Variants in GPC3 observed in about 807,000 individuals in gnomAD.
The protein encoded by GPC3 is glypican-3.
Under a neutral mutation model 34.4 loss-of-function variants are expected in GPC3, and 3 were observed. The observed-to-expected ratio is 0.09, with a 90% CI of 0.04 to 0.23. The LOEUF is 0.23. Ranked by LOEUF, GPC3 falls within the 10% of genes least tolerant of loss-of-function variation. GPC3 has a pLI of 1.00. For synonymous variants in GPC3, 177 were observed against 174.0 expected (o/e 1.02, Z -0.13); for missense variants, 351 against 445.6 (o/e 0.79, Z 1.91).
At chrX:133,560,465 A>G in intron 7 of GPC3, among the ~76,000 whole-genome samples, 1 of 112,752 alleles carries the variant, frequency 8.9e-6, no homozygotes, top group Non-Finnish European at 1.9e-5. Flanking sequence ...TTGGCCGGGC[A>G]TGGTGGCTCA....
At chrX:133,899,960 G>A (rs970657189) in intron 2 of GPC3, among the ~76,000 whole-genome samples, 4 of 110,737 alleles carry the variant, frequency 3.6e-5, no homozygotes, top group Non-Finnish European at 5.7e-5. Flanking sequence ...CCGCCACCAC[G>A]CCTGGCTAAT....
chrX:133,627,705 T>TA, intron 6 of GPC3, among the ~76,000 whole-genome samples: 1 of 112,631 alleles, frequency 8.9e-6, no homozygotes, highest in African/African-American at 3.2e-5. Context: ...GCAGGTATCT[T>TA]AGGACAGCAT....
intron 2 of GPC3, among the ~76,000 whole-genome samples, chrX:133,878,708 C>T (rs1486905650): frequency 8.9e-6 from 1 of 111,737 alleles, no homozygotes; most frequent in Non-Finnish European, 1.9e-5. Flanking sequence ...TGCACCACAT[C>T]TTGGTTTTAA....
chrX:133,709,036 C>G (rs1317780103), intron 3 of GPC3, among the ~76,000 whole-genome samples: 1 of 111,817 alleles, frequency 8.9e-6, no homozygotes, highest in Non-Finnish European at 1.9e-5. Context: ...TTTCTTTAAA[C>G]TTAATTGGCC....
intron 3 of GPC3, chrX:133,704,219 C>T: frequency 9.1e-7 from 1 of 1,102,989 alleles, no homozygotes; most frequent in Non-Finnish European, 1.2e-6. Context: ...AAGTCTAGCC[C>T]TATACACAGG....
intron 6 of GPC3, among the ~76,000 whole-genome samples, chrX:133,632,665 T>G (rs2070379264): frequency 1.8e-5 from 2 of 111,826 alleles, no homozygotes; most frequent in African/African-American, 6.5e-5. Context: ...TTCTTACTGT[T>G]TTTGTGCCCA....
chrX:133,626,935 A>G (rs1436372577), intron 6 of GPC3, among the ~76,000 whole-genome samples: 1 of 108,517 alleles, frequency 9.2e-6, no homozygotes, highest in African/African-American at 3.4e-5. Context: ...ACAATGATAG[A>G]CTGGATTAAG....
At chrX:133,637,762 C>T in intron 6 of GPC3, among the ~76,000 whole-genome samples, 1 of 111,067 alleles carries the variant, frequency 9.0e-6, no homozygotes, top group Non-Finnish European at 1.9e-5. Context: ...CCCACTTCAG[C>T]CTCTCGAGTA....
At chrX:133,778,932 A>T (rs1007825584) in intron 2 of GPC3, among the ~76,000 whole-genome samples, 3 of 112,345 alleles carry the variant, frequency 2.7e-5, no homozygotes, top group Non-Finnish European at 5.6e-5. Context: ...CCCTCTAAAA[A>T]TATGGTCTGC....
At chrX:133,564,354 C>T (rs1246257291) in intron 7 of GPC3, among the ~76,000 whole-genome samples, 4 of 111,350 alleles carry the variant, frequency 3.6e-5, no homozygotes, top group African/African-American at 1.3e-4. Flanking sequence ...GTGTCAGTAC[C>T]CAGTCCTCCC....
At chrX:133,622,738 ACT>A (rs1024632020) in intron 6 of GPC3, among the ~76,000 whole-genome samples, 5 of 112,027 alleles carry the variant, frequency 4.5e-5, no homozygotes, top group African/African-American at 9.7e-5. Flanking sequence ...GTTGGAAAAC[ACT>A]CTGCAGGATA....
At chrX:133,894,877 A>G (rs1323431925) in intron 2 of GPC3, among the ~76,000 whole-genome samples, 2 of 111,655 alleles carry the variant, frequency 1.8e-5, no homozygotes, top group African/African-American at 6.5e-5. Flanking sequence ...AAAAAGTGAG[A>G]CACTGTAGTT....
chrX:133,541,216 T>C (rs1047180415), intron 7 of GPC3, among the ~76,000 whole-genome samples: 2 of 223 alleles, frequency 9.0e-3, no homozygotes, highest in Non-Finnish European at 0.024. Context: ...GTGGGAATAG[T>C]ATCTGGGGAA....
At chrX:133,806,808 C>T (rs1239551069) in intron 2 of GPC3, among the ~76,000 whole-genome samples, 1 of 109,327 alleles carries the variant, frequency 9.1e-6, no homozygotes, top group Non-Finnish European at 1.9e-5. Context: ...ACCACCACGC[C>T]CGGCTAATTT....
intron 3 of GPC3, among the ~76,000 whole-genome samples, chrX:133,717,461 T>G (rs995797596): frequency 1.8e-5 from 2 of 111,510 alleles, no homozygotes; most frequent in African/African-American, 6.5e-5. Flanking sequence ...ACCTCTGACC[T>G]AATTGGTTAT....
Position 133,692,509 on chromosome X carries a change from A to G in GPC3, c.1167-15T>C, listed in dbSNP as rs1603226545. Reference sequence around the variant, plus strand: ...GAATTAGTTCCCTAAAAGAAAAACAAAACATCTGTGCATAAGAGGCAAGTA... The same window carrying G: ...GAATTAGTTCCCTAAAAGAAAAACAGAACATCTGTGCATAAGAGGCAAGTA... On this transcript the variant is annotated splice_polypyrimidine_tract_variant and intron_variant, in intron 4 of 7. Transcript: ENST00000370818. 3.3e-6 allele frequency: 4 copies of G among 1,197,712 alleles called. No homozygotes were observed.
chrX:133,853,687 G>C (rs772684759), intron 2 of GPC3, among the ~76,000 whole-genome samples: 1 of 112,260 alleles, frequency 8.9e-6, no homozygotes, highest in East Asian at 2.8e-4. Context: ...AATCTATTGA[G>C]GGAGGCAAAA....
chrX:133,691,820 T>A (rs1318663896), intron 5 of GPC3, among the ~76,000 whole-genome samples: 1 of 112,390 alleles, frequency 8.9e-6, no homozygotes, highest in Non-Finnish European at 1.9e-5. Context: ...GATGGAAGAA[T>A]CGAAGACAAA....
At chrX:133,837,064 A>G (rs1307145163) in intron 2 of GPC3, among the ~76,000 whole-genome samples, 1 of 111,941 alleles carries the variant, frequency 8.9e-6, no homozygotes, top group Non-Finnish European at 1.9e-5. Flanking sequence ...AATAAATATA[A>G]TGTCACTCTC....
Sources: allele counts gnomAD v4.1 joint callset (sites outside exome capture counted in the v4.1 genomes callset), GRCh38; gene constraint gnomAD v4.1.1; transcripts MANE v1.5; gene names NCBI Gene and HGNC (gene_info 2026-07-23, HGNC 2026-07-21).